The following FGD4 variants were observed in gnomAD, a reference collection of about 807,000 sequenced individuals.
FGD4 encodes FYVE, RhoGEF and PH domain containing 4.
In FGD4, 42 loss-of-function variants were observed where a neutral mutation model predicts 102.0. The ratio of observed to expected loss-of-function variants is 0.41; its 90% CI spans 0.32 to 0.53. The LOEUF is 0.53. Ranked by LOEUF, FGD4 falls within the 20% of genes least tolerant of loss-of-function variation. FGD4 has a pLI of 0.21. For synonymous variants in FGD4, 380 were observed against 375.7 expected (o/e 1.01, Z -0.13); for missense variants, 902 against 1,078.2 (o/e 0.84, Z 2.29).
intron 16 of FGD4, 184 bp downstream of exon 16, chr12:32,638,979 A>G: frequency 4.2e-6 from 6 of 1,434,684 alleles, no homozygotes; most frequent in South Asian, 1.6e-5. Context: ...TATAGCCTAT[A>G]TTTTCTTCAG....
intron 1 of FGD4, among the ~76,000 whole-genome samples, chr12:32,475,759 A>T (rs935934784): frequency 3.3e-5 from 5 of 152,198 alleles, no homozygotes; most frequent in African/African-American, 1.2e-4. Context: ...TCAAAAAAGG[A>T]TCTTACCACC....
chr12:32,628,524 C>T (rs1033092429), intron 14 of FGD4, among the ~76,000 whole-genome samples: 2 of 152,004 alleles, frequency 1.3e-5, no homozygotes, highest in Non-Finnish European at 2.9e-5. Context: ...AGAGGCCAGG[C>T]GCAGTGGCTT....
intron 1 of FGD4, among the ~76,000 whole-genome samples, chr12:32,442,417 G>A (rs1214138724): frequency 1.3e-5 from 2 of 152,112 alleles, no homozygotes; most frequent in Non-Finnish European, 2.9e-5. Flanking sequence ...ACCAGGTACT[G>A]TGAGTGCTTA....
intron 1 of FGD4, among the ~76,000 whole-genome samples, chr12:32,410,931 C>CTTTTTTTTTTTTTT (rs747780109): frequency 7.9e-6 from 1 of 126,910 alleles, no homozygotes; most frequent in Non-Finnish European, 1.7e-5. Flanking sequence ...TTTTTTTTTT[C>CTTTTTTTTTTTTTT]TTTTTTTTTT....
chr12:32,505,788 T>G (rs1938663330), intron 1 of FGD4, among the ~76,000 whole-genome samples: 1 of 152,212 alleles, frequency 6.6e-6, no homozygotes, highest in Non-Finnish European at 1.5e-5. Flanking sequence ...GTGTAAGTAA[T>G]AGTTCCTTCC....
intron 1 of FGD4, among the ~76,000 whole-genome samples, chr12:32,512,832 A>T (rs568604944): frequency 6.6e-6 from 1 of 152,334 alleles, no homozygotes; most frequent in Admixed American, 6.5e-5. Context: ...TCAGAGGCGT[A>T]ATACCTTTCA....
At chr12:32,412,585 T>C (rs552283608) in intron 1 of FGD4, among the ~76,000 whole-genome samples, 1 of 152,296 alleles carries the variant, frequency 6.6e-6, no homozygotes, top group South Asian at 2.1e-4. Flanking sequence ...AGGACCCGGC[T>C]GGGCAATAGG....
chr12:32,580,452 G>A (rs1188815801), intron 3 of FGD4, among the ~76,000 whole-genome samples: 1 of 152,198 alleles, frequency 6.6e-6, no homozygotes, highest in African/African-American at 2.4e-5. Context: ...AGAGGTAGGA[G>A]TAAAGCAGAG....
intron 1 of FGD4, among the ~76,000 whole-genome samples, chr12:32,545,887 A>G (rs1283206502): frequency 1.3e-5 from 2 of 152,260 alleles, no homozygotes; most frequent in Admixed American, 6.5e-5. Flanking sequence ...AGTCTGTAGC[A>G]GGGTATAATT....
At chr12:32,411,570 G>A (rs1443965851) in intron 1 of FGD4, among the ~76,000 whole-genome samples, 1 of 151,514 alleles carries the variant, frequency 6.6e-6, no homozygotes, top group Non-Finnish European at 1.5e-5. Flanking sequence ...ATGCTAGGAG[G>A]TGAAAAGTCA....
chr12:32,465,759 A>AGTGTGT (rs373471082), intron 1 of FGD4, among the ~76,000 whole-genome samples: 23 of 151,294 alleles, frequency 1.5e-4, no homozygotes, highest in Admixed American at 4.6e-4. Flanking sequence ...TTAGCAACAA[A>AGTGTGT]GTGTGTGTGT....
At chr12:32,631,273 T>C (rs563569048) in intron 14 of FGD4, among the ~76,000 whole-genome samples, 1 of 152,272 alleles carries the variant, frequency 6.6e-6, no homozygotes, top group East Asian at 1.9e-4. Context: ...GTGGCAGTTT[T>C]TGGAGGGCCT....
chr12:32,435,399 GT>G (rs1194894833), intron 1 of FGD4, among the ~76,000 whole-genome samples: 1 of 151,934 alleles, frequency 6.6e-6, no homozygotes, highest in Non-Finnish European at 1.5e-5. Context: ...ATAATCAAAG[GT>G]CTCATTTCAG....
intron 2 of FGD4, among the ~76,000 whole-genome samples, chr12:32,572,071 CGT>C (rs145630990): frequency 6.6e-6 from 1 of 151,666 alleles, no homozygotes; most frequent in Non-Finnish European, 1.5e-5. Flanking sequence ...TGTGTGCGTG[CGT>C]GTGTGTATGT....
At chr12:32,619,971 A>G (rs982745689) in intron 11 of FGD4, 101 bp downstream of exon 11, 13 of 1,356,842 alleles carry the variant, frequency 9.6e-6, no homozygotes, top group Middle Eastern at 1.8e-4. Context: ...TGAATGCTGC[A>G]TATCTCTGGA....
chr12:32,468,627 A>G (rs982627944), intron 1 of FGD4, among the ~76,000 whole-genome samples: 1 of 152,286 alleles, frequency 6.6e-6, no homozygotes, highest in Non-Finnish European at 1.5e-5. Context: ...CTGTAAACCC[A>G]GCACTTTGGG....
At chr12:32,492,881 A>G (rs1944158896) in intron 1 of FGD4, among the ~76,000 whole-genome samples, 1 of 152,182 alleles carries the variant, frequency 6.6e-6, no homozygotes, top group South Asian at 2.1e-4. Flanking sequence ...AGCTTTAGTA[A>G]AGGTGAAAAG....
At chr12:32,406,995 T>C (rs1940962550) in intron 1 of FGD4, among the ~76,000 whole-genome samples, 1 of 151,512 alleles carries the variant, frequency 6.6e-6, no homozygotes, top group Non-Finnish European at 1.5e-5. Flanking sequence ...GTATTTTTAG[T>C]AGAGATGGGG....
At chr12:32,625,182 G>A in intron 13 of FGD4, 114 bp downstream of exon 13, 1 of 835,878 alleles carries the variant, frequency 1.2e-6, no homozygotes, top group Non-Finnish European at 2.0e-6. Flanking sequence ...AGAACTGGCT[G>A]GTTAGACAGA....
Sources: allele counts gnomAD v4.1 joint callset (sites outside exome capture counted in the v4.1 genomes callset), GRCh38; gene constraint gnomAD v4.1.1; transcripts MANE v1.5; gene names NCBI Gene and HGNC (gene_info 2026-07-23, HGNC 2026-07-21).